The following CCDC102B variants were observed in gnomAD, a reference collection of about 807,000 sequenced individuals.
CCDC102B encodes coiled-coil domain containing 102B.
Under a neutral mutation model 57.4 loss-of-function variants are expected in CCDC102B, and 75 were observed. The observed-to-expected ratio is 1.31, with a 90% CI of 1.08 to 1.58. The LOEUF is 1.58. Ranked by LOEUF, CCDC102B falls within the 40% of genes most tolerant of loss-of-function variation. CCDC102B has a pLI of 0.00. For synonymous variants in CCDC102B, 206 were observed against 201.9 expected (o/e 1.02, Z -0.17); for missense variants, 636 against 582.6 (o/e 1.09, Z -0.94).
intron 4 of CCDC102B, among the ~76,000 whole-genome samples, chr18:68,857,100 A>T (rs1377881836): frequency 9.7e-6 from 1 of 103,424 alleles, no homozygotes; most frequent in Non-Finnish European, 1.8e-5. Context: ...ATATATTTTT[A>T]TATATTATAT....
intron 6 of CCDC102B, among the ~76,000 whole-genome samples, chr18:68,961,366 G>T (rs952080522): frequency 3.3e-5 from 5 of 151,762 alleles, no homozygotes; most frequent in Non-Finnish European, 4.4e-5. Flanking sequence ...AAAAAAATTT[G>T]ATTTTATATT....
chr18:69,009,106 C>A (rs761705170), intron 6 of CCDC102B, among the ~76,000 whole-genome samples: 2 of 152,082 alleles, frequency 1.3e-5, no homozygotes, highest in Admixed American at 1.3e-4. Context: ...ACTTTATGTG[C>A]ATTTTTAATT....
chr18:68,790,936 A>G (rs533540913), intron 2 of CCDC102B, among the ~76,000 whole-genome samples: 2 of 152,366 alleles, frequency 1.3e-5, no homozygotes, highest in South Asian at 2.1e-4. Flanking sequence ...TAAGGAAATG[A>G]CATTTTTTGA....
intron 6 of CCDC102B, among the ~76,000 whole-genome samples, chr18:68,952,856 A>G (rs2049736830): frequency 6.6e-6 from 1 of 152,194 alleles, no homozygotes; most frequent in Admixed American, 6.5e-5. Context: ...TTGAATTTGC[A>G]TTGTTTATGA....
chr18:68,761,900 T>C (rs988830237), intron 2 of CCDC102B, among the ~76,000 whole-genome samples: 11 of 152,182 alleles, frequency 7.2e-5, no homozygotes, highest in African/African-American at 2.4e-4. Context: ...TAATCTTCTT[T>C]TTTCATTGAC....
chr18:68,721,707 G>C (rs74728021), intron 2 of CCDC102B: 2 of 152,182 alleles, frequency 1.3e-5, no homozygotes, highest in Non-Finnish European at 2.9e-5. Flanking sequence ...ATTAGTTACT[G>C]ATAATAAGAC....
intron 7 of CCDC102B, among the ~76,000 whole-genome samples, chr18:69,049,690 A>T (rs1345322851): frequency 6.6e-6 from 1 of 152,142 alleles, no homozygotes; most frequent in Admixed American, 6.6e-5. Context: ...ACCTAGAAAA[A>T]CACAATTAAT....
At chr18:68,808,437 T>C (rs1031433111) in intron 1 of CCDC102B, among the ~76,000 whole-genome samples, 4 of 150,580 alleles carry the variant, frequency 2.7e-5, no homozygotes, top group African/African-American at 9.7e-5. Flanking sequence ...GGTTTTTGAA[T>C]CATTCCATTG....
chr18:68,913,340 G>GTGTGTGTGTGTGTGTGTGTT (rs1180300847), intron 6 of CCDC102B, among the ~76,000 whole-genome samples: 1 of 151,190 alleles, frequency 6.6e-6, no homozygotes, highest in South Asian at 2.1e-4. Context: ...GTGTGTGTGT[G>GTGTGTGTGTGTGTGTGTGTT]TGTGGTCCTA....
chr18:68,871,300 G>A (rs114084566), intron 4 of CCDC102B, among the ~76,000 whole-genome samples: 2 of 152,206 alleles, frequency 1.3e-5, no homozygotes, highest in South Asian at 4.2e-4. Flanking sequence ...TTCTATTTCT[G>A]TCCCTTTCAA....
At chr18:68,976,083 ATAGC>A (rs1336615084) in intron 6 of CCDC102B, among the ~76,000 whole-genome samples, 4 of 152,094 alleles carry the variant, frequency 2.6e-5, no homozygotes, top group Admixed American at 6.6e-5. Context: ...TTTTTTCTTG[ATAGC>A]TAGAATTAAA....
chr18:68,960,288 A>C (rs2050014138), intron 6 of CCDC102B, among the ~76,000 whole-genome samples: 1 of 152,080 alleles, frequency 6.6e-6, no homozygotes, highest in Non-Finnish European at 1.5e-5. Context: ...GAAATTATGA[A>C]TCCTCACCAG....
chr18:68,867,419 T>C (rs1488495495), intron 4 of CCDC102B, among the ~76,000 whole-genome samples: 6 of 152,196 alleles, frequency 3.9e-5, no homozygotes, highest in Admixed American at 6.5e-5. Context: ...TGGGTCAGCT[T>C]TTGGCTCCTT....
intron 2 of CCDC102B, among the ~76,000 whole-genome samples, chr18:68,779,238 C>G (rs915163718): frequency 4.6e-5 from 7 of 152,038 alleles, no homozygotes; most frequent in Admixed American, 3.3e-4. Context: ...GCTGACAGAG[C>G]AGCAGGAAAT....
At chr18:68,890,567 T>A (rs1024069538) in intron 5 of CCDC102B, among the ~76,000 whole-genome samples, 1 of 152,230 alleles carries the variant, frequency 6.6e-6, no homozygotes, top group African/African-American at 2.4e-5. Context: ...CACAAGCAAC[T>A]GTATAATGCA....
chr18:68,719,694 C>G (rs953363099), intron 2 of CCDC102B, among the ~76,000 whole-genome samples: 2 of 152,174 alleles, frequency 1.3e-5, no homozygotes, highest in Non-Finnish European at 2.9e-5. Context: ...ATAGACACGC[C>G]TAGAAATAAT....
At chr18:68,914,465 T>C (rs1467693030) in intron 6 of CCDC102B, among the ~76,000 whole-genome samples, 1 of 152,200 alleles carries the variant, frequency 6.6e-6, no homozygotes, top group Non-Finnish European at 1.5e-5. Flanking sequence ...AATGAATACA[T>C]ATTATCGTAA....
intron 1 of CCDC102B, among the ~76,000 whole-genome samples, chr18:68,800,410 G>T (rs1027803338): frequency 2.0e-5 from 3 of 152,134 alleles, no homozygotes; most frequent in African/African-American, 7.2e-5. Flanking sequence ...TGTTCTATCA[G>T]TTGGGCCACA....
intron 1 of CCDC102B, among the ~76,000 whole-genome samples, chr18:68,800,172 G>T (rs2144681139): frequency 6.6e-6 from 1 of 152,146 alleles, no homozygotes; most frequent in Non-Finnish European, 1.5e-5. Flanking sequence ...TCAATGATTT[G>T]CTTAAAGCCA....
Sources: allele counts gnomAD v4.1 joint callset (sites outside exome capture counted in the v4.1 genomes callset), GRCh38; gene constraint gnomAD v4.1.1; transcripts MANE v1.5; gene names NCBI Gene and HGNC (gene_info 2026-07-23, HGNC 2026-07-21).